DYNC2H1: variants seen among roughly 807,000 people sequenced by gnomAD.
The protein encoded by DYNC2H1 is cytoplasmic dynein 2 heavy chain 1.
DYNC2H1 carries 410 observed loss-of-function variants against 570.0 expected under a neutral mutation model. The ratio of observed to expected loss-of-function variants is 0.72; its 90% CI spans 0.66 to 0.78. The LOEUF (loss-of-function observed/expected upper bound fraction) is 0.78. DYNC2H1 is among the 30% of genes least tolerant of loss of function. The pLI, the probability that DYNC2H1 is intolerant of heterozygous loss-of-function variation, is 0.00. For missense variants in DYNC2H1, 4,865 were observed against 5,046.4 expected (o/e 0.96, Z 1.09); for synonymous variants, 1,688 against 1,677.6 (o/e 1.01, Z -0.15).
At chr11:103,304,240 G>A (rs1163487787) in intron 76 of DYNC2H1, among the ~76,000 whole-genome samples, 1 of 152,118 alleles carries the variant, frequency 6.6e-6, no homozygotes, top group Non-Finnish European at 1.5e-5. Flanking sequence ...AGCGCTGTTA[G>A]GCTCAGGTGT....
intron 34 of DYNC2H1, among the ~76,000 whole-genome samples, chr11:103,171,621 A>C (rs1861577427): frequency 6.6e-6 from 1 of 152,086 alleles, no homozygotes; most frequent in Admixed American, 6.6e-5. Context: ...TTGTTGTATT[A>C]TATATTATTC....
At chr11:103,238,881 T>C (rs1014913022) in intron 63 of DYNC2H1, among the ~76,000 whole-genome samples, 1 of 152,160 alleles carries the variant, frequency 6.6e-6, no homozygotes, top group Admixed American at 6.6e-5. Context: ...AATTTGGCCA[T>C]AGTGATCATA....
chr11:103,160,970 A>G lies in DYNC2H1; in HGVS notation c.4417A>G (p.Ile1473Val), dbSNP rs376487632. Residue 1473 changes from isoleucine to valine, a missense_variant, in exon 29 of 89, where the codon ATA (isoleucine) becomes GTA (valine). Transcript: ENST00000375735. ...TTGCTTTGATGAGAAATCAAAACAT[A>G]TAACTGCAATGAAATCTTTAGAGGG... Reference protein sequence around the residue: ...SVCFDEKSKHITAMKSLEGEV... With the variant: ...SVCFDEKSKHVTAMKSLEGEV... 1.9e-5 allele frequency: 30 copies of G among 1,572,792 alleles called. No individual in the cohort carries two copies. The highest frequency in any genetic ancestry group is 6.9e-5 in the East Asian group (3 of 43,532).
At chr11:103,342,162 A>G (rs1474468533) in intron 82 of DYNC2H1, among the ~76,000 whole-genome samples, 1 of 151,946 alleles carries the variant, frequency 6.6e-6, no homozygotes, top group Non-Finnish European at 1.5e-5. Flanking sequence ...TTTCTGTCTT[A>G]CAAGAGGTTT....
chr11:103,114,996 T>C (rs1003203683), intron 3 of DYNC2H1, among the ~76,000 whole-genome samples, 181 bp from the exon 4 acceptor site: 3 of 152,160 alleles, frequency 2.0e-5, no homozygotes, highest in Non-Finnish European at 2.9e-5. Flanking sequence ...CTAAGTAGAC[T>C]TCAGGAAGGA....
At position 103,311,861 on chromosome 11, in the gene DYNC2H1, G is replaced by A. The variant is rs1422439206; in HGVS notation, c.11494-17G>A. 1.9e-6 allele frequency: 3 copies of A among 1,595,508 alleles called. No homozygotes were observed. In the African/African-American group the frequency reaches 4.0e-5, roughly 21 times the overall value. ...GTAGGATTTTAGCAATAGGATGTCT[G>A]TTGATTTTTTTTCTAGTCACCTCCA... is the stretch of plus-strand genomic sequence containing the variant. On this transcript the variant is annotated splice_polypyrimidine_tract_variant and intron_variant, in intron 78 of 88. Coordinates refer to ENST00000375735, the MANE Select transcript of DYNC2H1 (RefSeq NM_001377.3).
intron 73 of DYNC2H1, among the ~76,000 whole-genome samples, chr11:103,285,424 CTTTTTT>C (rs60667279): frequency 2.2e-5 from 3 of 137,000 alleles, no homozygotes; most frequent in African/African-American, 8.1e-5. Context: ...TTTTTCTTTT[CTTTTTT>C]TTTTTTTTTT....
chr11:103,199,314 A>T lies in DYNC2H1; in HGVS notation c.7926A>T (p.Arg2642Ser). The T allele has an allele frequency of 6.2e-7, 1 of 1,611,730 alleles. No homozygotes were observed. Among genetic ancestry groups the T allele is most frequent in the Non-Finnish European group, 8.5e-7 (1 of 1,179,688 alleles). ...TGGAGTATATGTCTAGGATAGATAG[A>T]GTGCTGAGTTTCCCTGGAGGTTCAC... is the stretch of plus-strand genomic sequence containing the variant. Reference protein sequence around the residue: ...EVLEYMSRIDRVLSFPGGSLL... With the variant: ...EVLEYMSRIDSVLSFPGGSLL... The change falls in exon 49 of 89, where the codon AGA becomes AGT. Residue 2642 changes from arginine (R) to serine (S), a missense_variant. By Grantham distance (110) the Arg-to-Ser change is moderately radical. Around this residue, in one of 5 missense-constraint regions of DYNC2H1, gnomAD observed 2,401 missense variants for 2,454.6 expected, o/e 0.98. Transcript: ENST00000375735. The surrounding 1 kb of genome is among the most constrained non-coding windows in gnomAD (Gnocchi z 4.6).
intron 55 of DYNC2H1, 41 bp downstream of exon 55, chr11:103,215,899 G>C (rs758069287): frequency 6.3e-7 from 1 of 1,591,312 alleles, no homozygotes; most frequent in Non-Finnish European, 8.6e-7. Flanking sequence ...ACAATATGGA[G>C]AGCATTTATG....
chr11:103,379,520 G>T (rs773444861), intron 83 of DYNC2H1, among the ~76,000 whole-genome samples: 1 of 151,992 alleles, frequency 6.6e-6, no homozygotes, highest in African/African-American at 2.4e-5. Flanking sequence ...CCATTACCAT[G>T]ACTGAGGCTT....
chr11:103,478,376 C>T (rs1481897510), intron 88 of DYNC2H1, among the ~76,000 whole-genome samples: 1 of 152,202 alleles, frequency 6.6e-6, no homozygotes, highest in East Asian at 1.9e-4. Context: ...CCTTGTGTAA[C>T]CTTGAATGAA....
chr11:103,137,285 A>T (rs1381551093), intron 17 of DYNC2H1, among the ~76,000 whole-genome samples: 1 of 144,932 alleles, frequency 6.9e-6, no homozygotes, highest in Admixed American at 7.0e-5. Context: ...GGTGTTTTAG[A>T]CATGAAGTCG....
chr11:103,313,751 C>T (rs766881573), intron 79 of DYNC2H1, among the ~76,000 whole-genome samples: 24 of 152,266 alleles, frequency 1.6e-4, no homozygotes, highest in Non-Finnish European at 3.5e-4. Flanking sequence ...ATGCTTAACA[C>T]AGTGTCTGAT....
intron 82 of DYNC2H1, among the ~76,000 whole-genome samples, chr11:103,341,220 T>C (rs1939424694): frequency 6.6e-6 from 1 of 152,238 alleles, no homozygotes. Context: ...CCATAAGTGC[T>C]AAACTATTCA....
Position 103,358,279 on chromosome 11 carries a change from ACAG to A in DYNC2H1, c.12078_12080del (p.Ala4027del). The A allele has an allele frequency of 6.3e-7, 1 of 1,591,078 alleles. No individual in the cohort carries two copies. On this transcript the variant is annotated inframe_deletion, in exon 83 of 89. Transcript: ENST00000375735. ...GTTGAGGATTTTGGGCAGATCCATA[ACAG>A]CTGGTTCCAAATTTGATAGAGAAAT...
intron 28 of DYNC2H1, among the ~76,000 whole-genome samples, chr11:103,159,579 A>G (rs1032426316): frequency 1.3e-5 from 2 of 152,096 alleles, no homozygotes; most frequent in African/African-American, 4.8e-5. Flanking sequence ...TGTAATGTCA[A>G]ATGCTTTGAT....
chr11:103,443,535 A>C (rs1944335196), intron 85 of DYNC2H1, among the ~76,000 whole-genome samples: 1 of 151,876 alleles, frequency 6.6e-6, no homozygotes, highest in Non-Finnish European at 1.5e-5. Context: ...TTAAGAAAAT[A>C]TTTTTTAGTA....
chr11:103,178,973 A>G, intron 38 of DYNC2H1, 53 bp from the exon 39 acceptor site: 4 of 1,486,002 alleles, frequency 2.7e-6, no homozygotes, highest in Non-Finnish European at 2.8e-6. Context: ...ATTTTTAATT[A>G]TTATCACTGC....
intron 4 of DYNC2H1, among the ~76,000 whole-genome samples, chr11:103,115,627 G>A (rs1858348043): frequency 1.3e-5 from 2 of 151,972 alleles, no homozygotes; most frequent in South Asian, 4.2e-4. Flanking sequence ...GTGAAACCTC[G>A]TCTCTACTAA....
Sources: gnomAD v4.1 joint callset for allele counts (sites outside exome capture counted in the v4.1 genomes callset) on GRCh38, gnomAD v4.1.1 for gene constraint, gnomAD v4.1.1 regional missense constraint, Gnocchi (gnomAD v3.1) non-coding constraint, MANE v1.5 for transcripts, NCBI Gene and HGNC (gene_info 2026-07-23, HGNC 2026-07-21) for gene names.